The following TFEC variants were observed in gnomAD, a reference collection of about 807,000 sequenced individuals.
The protein encoded by TFEC is class E basic helix-loop-helix protein 34.
A neutral mutation model predicts 41.6 loss-of-function variants in TFEC; 31 were observed. The observed-to-expected ratio is 0.74, with a 90% CI of 0.56 to 1.01. TFEC has a LOEUF of 1.01. Ranked by LOEUF, TFEC falls within the 50% of genes least tolerant of loss-of-function variation. The probability of loss-of-function intolerance (pLI) is 0.00; values close to 1 mark genes in which losing one functional copy is unlikely to be tolerated. For synonymous variants in TFEC, 143 were observed against 140.6 expected (o/e 1.02, Z -0.12); for missense variants, 402 against 404.1 (o/e 0.99, Z 0.04).
At chr7:116,062,727 G>A (rs1407114533) in intron 3 of TFEC, among the ~76,000 whole-genome samples, 1 of 151,770 alleles carries the variant, frequency 6.6e-6, no homozygotes, top group Non-Finnish European at 1.5e-5. Flanking sequence ...TTTCCTCTGG[G>A]TAGACACCTA....
At chr7:116,045,459 G>T (rs868501930) in intron 3 of TFEC, among the ~76,000 whole-genome samples, 4 of 152,238 alleles carry the variant, frequency 2.6e-5, no homozygotes, top group East Asian at 3.9e-4. Flanking sequence ...CCAGGCTATG[G>T]CTTCAGAGGG....
intron 4 of TFEC, among the ~76,000 whole-genome samples, chr7:115,954,918 C>G (rs1562887186): frequency 1.3e-5 from 2 of 151,984 alleles, no homozygotes; most frequent in East Asian, 3.9e-4. Flanking sequence ...CTCTGTGTTT[C>G]AGGCTCTTCA....
chr7:115,963,474 A>C (rs1041108930), intron 3 of TFEC, among the ~76,000 whole-genome samples: 2 of 151,768 alleles, frequency 1.3e-5, no homozygotes, highest in African/African-American at 2.4e-5. Context: ...ACTTAAACAG[A>C]TAATTGTACA....
chr7:116,111,959 G>T lies in TFEC; in HGVS notation c.-22+33C>A, dbSNP rs993716250. ...TAAACTTGTGGTCTTGCTGAGACAA[G>T]TCTATGCAACACTTTGTATGAAAAC... On this transcript the variant is annotated intron_variant, in intron 2 of 8. Coordinates refer to the TFEC transcript ENST00000484212. The T allele has an allele frequency of 8.5e-5, 83 of 978,612 alleles. No homozygotes were observed. The African/African-American group carries it at 1.4e-3, about 17-fold the overall frequency. The allele number at this position is 978,612 out of a possible 1,614,324, so 60.6% of individuals were successfully genotyped here.
At chr7:115,970,241 A>G (rs1488862395) in intron 3 of TFEC, among the ~76,000 whole-genome samples, 2 of 152,022 alleles carry the variant, frequency 1.3e-5, no homozygotes, top group African/African-American at 4.8e-5. Flanking sequence ...TTCAAGAAGA[A>G]GGAAGTGGTG....
intron 1 of TFEC, among the ~76,000 whole-genome samples, chr7:116,012,764 T>C (rs1427336664): frequency 6.6e-6 from 1 of 150,382 alleles, no homozygotes; most frequent in Non-Finnish European, 1.5e-5. Context: ...TATAGTTGAA[T>C]TTATAACAAA....
chr7:115,967,163 C>T (rs1280669452), intron 3 of TFEC, among the ~76,000 whole-genome samples: 5 of 151,470 alleles, frequency 3.3e-5, no homozygotes, highest in Non-Finnish European at 5.9e-5. Flanking sequence ...TATATAGTCA[C>T]ATATTATATT....
intron 3 of TFEC, among the ~76,000 whole-genome samples, chr7:116,059,167 G>T (rs1195681279): frequency 1.3e-5 from 2 of 151,864 alleles, no homozygotes; most frequent in African/African-American, 4.8e-5. Flanking sequence ...AATAAGGAAT[G>T]AGAGAGGTGA....
intron 1 of TFEC, among the ~76,000 whole-genome samples, chr7:116,013,336 C>T (rs754620814): frequency 6.6e-5 from 10 of 152,094 alleles, no homozygotes; most frequent in Non-Finnish European, 1.5e-4. Context: ...GTCATAGCTG[C>T]ATTTTCCCCT....
In TFEC at chr7:116,111,111, T is replaced by TAA. The variant is rs374892440; in HGVS notation, c.-21-187_-21-186dup. ...AAGAGGTAATTCTTAATGTTCAAGT[T>TAA]AAAAAAAAAAAAAAGATGAGAAGAA... On this transcript the variant is annotated intron_variant, in intron 2 of 8. Coordinates refer to the TFEC transcript ENST00000484212. Among the ~76,000 whole-genome samples the TAA allele has an allele frequency of 5.0e-5, 7 of 139,402 alleles. 1 individual carries two copies. In the South Asian group the frequency reaches 9.1e-4, roughly 18 times the overall value. 91.5% of individuals were successfully genotyped at this position (139,402 alleles called of 152,430 possible).
intron 1 of TFEC, among the ~76,000 whole-genome samples, chr7:115,996,265 C>G (rs938612710): frequency 6.6e-6 from 1 of 152,036 alleles, no homozygotes; most frequent in African/African-American, 2.4e-5. Flanking sequence ...AGGATAAGAA[C>G]AAGGCAGAGT....
intron 6 of TFEC, among the ~76,000 whole-genome samples, chr7:115,943,270 G>A (rs1248614448): frequency 2.0e-5 from 3 of 152,000 alleles, no homozygotes; most frequent in South Asian, 2.1e-4. Context: ...AGGGTGGGGA[G>A]AGACAGTCTA....
At chr7:116,144,660 C>A (rs1285807356) in intron 1 of TFEC, among the ~76,000 whole-genome samples, 1 of 152,140 alleles carries the variant, frequency 6.6e-6, no homozygotes, top group East Asian at 1.9e-4. Flanking sequence ...TCAACATTGA[C>A]ATTTACATCA....
intron 6 of TFEC, among the ~76,000 whole-genome samples, chr7:115,948,527 T>C (rs1381270860): frequency 6.6e-6 from 1 of 152,178 alleles, no homozygotes; most frequent in East Asian, 1.9e-4. Context: ...ATCCCTGGGA[T>C]GCAAGTCTGG....
intron 1 of TFEC, among the ~76,000 whole-genome samples, chr7:115,996,208 A>G (rs1470429168): frequency 6.6e-6 from 1 of 152,130 alleles, no homozygotes. Context: ...AAGGGAAAGA[A>G]TAAGGAAGAC....
chr7:116,124,418 C>T (rs1398962122), intron 1 of TFEC, among the ~76,000 whole-genome samples: 2 of 152,124 alleles, frequency 1.3e-5, no homozygotes, highest in East Asian at 3.8e-4. Context: ...GGCAACTGCA[C>T]ACTGGAAATA....
chr7:116,072,589 T>G (rs1384591002), intron 3 of TFEC, among the ~76,000 whole-genome samples: 1 of 151,614 alleles, frequency 6.6e-6, no homozygotes, highest in Non-Finnish European at 1.5e-5. Flanking sequence ...CCATTTTTCT[T>G]AAAGATACAT....
At chr7:116,083,366 G>T (rs1290206993) in intron 3 of TFEC, among the ~76,000 whole-genome samples, 1 of 151,734 alleles carries the variant, frequency 6.6e-6, no homozygotes, top group African/African-American at 2.4e-5. Context: ...AAAAAAATTT[G>T]TATATTTTGT....
At chr7:116,069,416 T>G (rs1796772943) in intron 3 of TFEC, among the ~76,000 whole-genome samples, 1 of 151,666 alleles carries the variant, frequency 6.6e-6, no homozygotes, top group Non-Finnish European at 1.5e-5. Flanking sequence ...TATGGATATG[T>G]TTGATACATA....
Sources: gnomAD v4.1 joint callset for allele counts (sites outside exome capture counted in the v4.1 genomes callset) on GRCh38, gnomAD v4.1.1 for gene constraint, MANE v1.5 for transcripts, NCBI Gene and HGNC (gene_info 2026-07-23, HGNC 2026-07-21) for gene names.